DYM: variants seen among roughly 807,000 people sequenced by gnomAD.
DYM encodes the protein dyggve-Melchior-Clausen syndrome protein.
A neutral mutation model predicts 93.1 loss-of-function variants in DYM; 78 were observed. That is an observed-to-expected ratio of 0.84 (90% CI 0.70 to 1.01). The LOEUF is 1.01. Among genes scored for constraint, DYM ranks in the 50% least tolerant of loss-of-function variants. The pLI is 0.00. For missense variants in DYM, 789 were observed against 845.0 expected (o/e 0.93, Z 0.82); for synonymous variants, 321 against 319.7 (o/e 1.00, Z -0.04).
At chr18:49,312,300 C>T (rs1568225596) in intron 8 of DYM, among the ~76,000 whole-genome samples, 1 of 152,188 alleles carries the variant, frequency 6.6e-6, no homozygotes, top group Non-Finnish European at 1.5e-5. Flanking sequence ...AATCCTCAGA[C>T]CGGATTGAGA....
chr18:49,276,130 C>A (rs150063450), intron 10 of DYM, among the ~76,000 whole-genome samples: 5 of 152,056 alleles, frequency 3.3e-5, no homozygotes, highest in African/African-American at 1.2e-4. Context: ...CAAAAGCAGA[C>A]ATCCTTGTTT....
intron 15 of DYM, among the ~76,000 whole-genome samples, chr18:49,163,389 A>T (rs73441565): frequency 0.025 from 3,829 of 152,262 alleles, 159 homozygotes; most frequent in African/African-American, 0.086. Context: ...TGTGTCACCC[A>T]GGCTACAGTG....
At chr18:49,225,963 A>T (rs182254528) in intron 13 of DYM, among the ~76,000 whole-genome samples, 157 of 152,250 alleles carry the variant, frequency 1.0e-3, no homozygotes, top group Middle Eastern at 3.4e-3. Flanking sequence ...GAAAAATCAT[A>T]TTATCTCTTA....
chr18:49,242,825 G>C (rs961737714), intron 13 of DYM, among the ~76,000 whole-genome samples: 1 of 152,042 alleles, frequency 6.6e-6, no homozygotes, highest in Non-Finnish European at 1.5e-5. Context: ...TCAGCCTCCC[G>C]AGTAGCTGGG....
At chr18:49,121,997 A>G (rs2082421960) in intron 15 of DYM, among the ~76,000 whole-genome samples, 1 of 152,250 alleles carries the variant, frequency 6.6e-6, no homozygotes, top group Non-Finnish European at 1.5e-5. Flanking sequence ...ATTTTTAATC[A>G]TTCTAAAAGA....
chr18:49,189,060 A>G (rs1019786811), intron 14 of DYM, among the ~76,000 whole-genome samples: 1 of 152,186 alleles, frequency 6.6e-6, no homozygotes, highest in African/African-American at 2.4e-5. Context: ...CAGAAAAAAA[A>G]CTAGATATCA....
chr18:49,347,136 C>T (rs781232319), intron 6 of DYM, among the ~76,000 whole-genome samples: 12 of 152,032 alleles, frequency 7.9e-5, no homozygotes, highest in Non-Finnish European at 1.5e-4. Flanking sequence ...TTCACATAAT[C>T]GTAAATTCAA....
At chr18:49,121,330 A>G (rs571148816) in intron 15 of DYM, among the ~76,000 whole-genome samples, 1 of 152,318 alleles carries the variant, frequency 6.6e-6, no homozygotes, top group East Asian at 1.9e-4. Context: ...AGGTTAACAG[A>G]AATTGCACAA....
intron 16 of DYM, among the ~76,000 whole-genome samples, chr18:49,109,040 T>TA (rs951831303): frequency 6.6e-6 from 1 of 150,976 alleles, no homozygotes; most frequent in African/African-American, 2.4e-5. Context: ...TTTTTTTTTT[T>TA]ATTAATGCTT....
At position 49,176,011 on chromosome 18, in the gene DYM, C is replaced by G. The variant is rs1427149988; in HGVS notation, c.1626-12224G>C. 3.9e-5 allele frequency among the ~76,000 whole-genome samples: 6 copies of G among 152,234 alleles called. No homozygotes were observed. The South Asian group carries it at 6.2e-4, about 16-fold the overall frequency. ...ATTCAGTATGACCTTCATGGTATGA[C>G]TGCATAATCAAAAATTATATGTAAA... On this transcript the variant is annotated intron_variant, in intron 14 of 17. Transcript: ENST00000675505.
intron 8 of DYM, among the ~76,000 whole-genome samples, chr18:49,319,757 T>C (rs184249770): frequency 4.5e-4 from 69 of 152,334 alleles, no homozygotes; most frequent in Admixed American, 8.5e-4. Context: ...ACCTTTCTGA[T>C]GCCAAAAGTC....
intron 13 of DYM, among the ~76,000 whole-genome samples, chr18:49,219,757 C>A (rs2093263702): frequency 6.6e-6 from 1 of 151,948 alleles, no homozygotes; most frequent in Admixed American, 6.6e-5. Flanking sequence ...GGACGTATCT[C>A]AAAATAATAA....
intron 8 of DYM, among the ~76,000 whole-genome samples, chr18:49,303,358 G>A (rs931135083): frequency 6.6e-6 from 1 of 152,170 alleles, no homozygotes; most frequent in Non-Finnish European, 1.5e-5. Context: ...TTTTAAAGAA[G>A]AAAACGAGCA....
At chr18:49,099,989 A>AT (rs2079969028) in intron 16 of DYM, among the ~76,000 whole-genome samples, 1 of 152,136 alleles carries the variant, frequency 6.6e-6, no homozygotes, top group African/African-American at 2.4e-5. Context: ...AACTAAATCT[A>AT]GATACTGTAA....
At chr18:49,271,111 T>C (rs914332969) in intron 11 of DYM, among the ~76,000 whole-genome samples, 36 of 152,162 alleles carry the variant, frequency 2.4e-4, no homozygotes, top group Non-Finnish European at 4.6e-4. Flanking sequence ...GGCCACCAGA[T>C]GCTCCAGGAA....
intron 8 of DYM, among the ~76,000 whole-genome samples, chr18:49,295,371 C>CT (rs2060457764): frequency 6.6e-6 from 1 of 152,150 alleles, no homozygotes; most frequent in East Asian, 1.9e-4. Flanking sequence ...CTTGAAGCAA[C>CT]AAAATATGTC....
chr18:49,295,765 A>C (rs1294579813), intron 8 of DYM, among the ~76,000 whole-genome samples: 1 of 152,132 alleles, frequency 6.6e-6, no homozygotes, highest in Non-Finnish European at 1.5e-5. Context: ...TTTTAAAAAA[A>C]TTCTTGGCTC....
At chr18:49,420,403 A>G (rs112136758) in intron 2 of DYM, among the ~76,000 whole-genome samples, 7 of 152,148 alleles carry the variant, frequency 4.6e-5, no homozygotes, top group Non-Finnish European at 1.0e-4. Context: ...TGCTGAATTC[A>G]GGTGATCCAC....
At chr18:49,229,502 G>A (rs1393397105) in intron 13 of DYM, among the ~76,000 whole-genome samples, 1 of 152,060 alleles carries the variant, frequency 6.6e-6, no homozygotes, top group East Asian at 1.9e-4. Flanking sequence ...TACATGGATG[G>A]CAAAAGAACA....
Sources: allele counts gnomAD v4.1 joint callset (sites outside exome capture counted in the v4.1 genomes callset), GRCh38; gene constraint gnomAD v4.1.1; transcripts MANE v1.5; gene names NCBI Gene and HGNC (gene_info 2026-07-23, HGNC 2026-07-21).